The following SNX18 variants were observed in gnomAD, a reference collection of about 807,000 sequenced individuals.
SNX18 encodes sorting nexin 18.
Under a neutral mutation model 48.7 loss-of-function variants are expected in SNX18, and 35 were observed. The ratio of observed to expected loss-of-function variants is 0.72; its 90% CI spans 0.55 to 0.95. The LOEUF (loss-of-function observed/expected upper bound fraction) is 0.95, where lower values mean the gene tolerates loss of function less well. Among genes scored for constraint, SNX18 ranks in the 40% least tolerant of loss-of-function variants. The probability of loss-of-function intolerance (pLI) is 0.00; values close to 1 mark genes in which losing one functional copy is unlikely to be tolerated. For synonymous variants in SNX18, 492 were observed against 384.7 expected (o/e 1.28, Z -3.26); for missense variants, 824 against 871.0 (o/e 0.95, Z 0.68).
chr5:54,574,122 C>T, the SNX18 span, among the ~76,000 whole-genome samples: 9 of 152,302 alleles, frequency 5.9e-5, no homozygotes, highest in South Asian at 1.2e-3. Context: ...GCTGAGAACT[C>T]GACCAGACAA....
chr5:54,535,315 G>C (rs575160800), intron 1 of SNX18, among the ~76,000 whole-genome samples: 1 of 152,346 alleles, frequency 6.6e-6, no homozygotes, highest in South Asian at 2.1e-4. Flanking sequence ...GCTAGGACTG[G>C]TGATGGAGAA....
chr5:54,517,910 C>G lies in SNX18; in HGVS notation c.-43C>G. ...CGGGCCCCTCAGGTGGGCCTCGGCT[C>G]GGGACGCCGGGAGTCGGGACCGCCA... On this transcript the variant is annotated 5_prime_UTR_variant, in exon 1 of 2. Transcript: ENST00000381410. 1.4e-6 allele frequency: 2 copies of G among 1,468,872 alleles called. No homozygotes were observed. Among genetic ancestry groups the G allele is most frequent in the Admixed American group, 2.4e-5 (1 of 40,990 alleles). The allele number at this position is 1,468,872 out of a possible 1,614,324, so 91.0% of individuals were successfully genotyped here.
the SNX18 span, among the ~76,000 whole-genome samples, chr5:54,555,064 G>A: frequency 1.4e-4 from 21 of 152,278 alleles, no homozygotes; most frequent in African/African-American, 4.8e-4. Context: ...TGGAAATCAC[G>A]CCAGCCAGCC....
At chr5:54,620,220 A>G in the SNX18 span, among the ~76,000 whole-genome samples, 3 of 152,202 alleles carry the variant, frequency 2.0e-5, no homozygotes. Flanking sequence ...AGCTGTGGAC[A>G]TACAGGAGGC....
At chr5:54,613,975 C>T in the SNX18 span, among the ~76,000 whole-genome samples, 2 of 152,182 alleles carry the variant, frequency 1.3e-5, no homozygotes, top group Non-Finnish European at 2.9e-5. Context: ...GGATTATAGG[C>T]GTGAGCCACT....
chr5:54,589,668 C>A, the SNX18 span, among the ~76,000 whole-genome samples: 2 of 152,184 alleles, frequency 1.3e-5, no homozygotes, highest in African/African-American at 4.8e-5. Context: ...GAAGAGAAGT[C>A]GTTTCCTTCC....
At chr5:54,646,709 T>C in the SNX18 span, among the ~76,000 whole-genome samples, 1 of 152,236 alleles carries the variant, frequency 6.6e-6, no homozygotes, top group South Asian at 2.1e-4. Flanking sequence ...TATGCCAAGA[T>C]ATGTGTTTAG....
chr5:54,590,997 C>T, the SNX18 span, among the ~76,000 whole-genome samples: 1 of 152,038 alleles, frequency 6.6e-6, no homozygotes, highest in African/African-American at 2.4e-5. Flanking sequence ...TCAGCTCATC[C>T]TCCCCATCCC....
At chr5:54,645,583 A>G in the SNX18 span, 1 of 152,254 alleles carries the variant, frequency 6.6e-6, no homozygotes, top group Non-Finnish European at 1.5e-5. Flanking sequence ...TGGCCTCCCC[A>G]GCTGCTCCTT....
At chr5:54,547,304 A>G (rs999042688), downstream of SNX18, among the ~76,000 whole-genome samples, 1 of 152,252 alleles carries the variant, frequency 6.6e-6, no homozygotes, top group Non-Finnish European at 1.5e-5. Flanking sequence ...TGAGGAAGAT[A>G]ATATCTCTAG....
the SNX18 span, among the ~76,000 whole-genome samples, chr5:54,647,600 C>A: frequency 6.6e-6 from 1 of 152,054 alleles, no homozygotes; most frequent in African/African-American, 2.4e-5. Flanking sequence ...GAGGCATGAT[C>A]GTAGAGAACC....
the SNX18 span, among the ~76,000 whole-genome samples, chr5:54,569,140 A>G: frequency 1.7e-4 from 25 of 150,834 alleles, no homozygotes; most frequent in African/African-American, 5.9e-4. Flanking sequence ...ACCGCGCCCA[A>G]CCACATTTTT....
At chr5:54,565,697 G>C in the SNX18 span, among the ~76,000 whole-genome samples, 8 of 152,038 alleles carry the variant, frequency 5.3e-5, no homozygotes, top group Non-Finnish European at 7.4e-5. Context: ...GTTTAAAAGG[G>C]GCCTAGAAGG....
Position 54,518,965 on chromosome 5 carries a change from A to G in SNX18, c.1013A>G (p.Lys338Arg). The stretch of plus-strand genomic sequence containing the variant: ...ATCTCCGTGCCCCACCTGCCCGAGA[A>G]GCAGGCCACCGGCCGCTTCGAGGAG... ...PVISVPHLPE[K>R]QATGRFEEDF... is the part of the protein sequence containing the mutation. Residue 338 changes from lysine (K) to arginine (R), a missense_variant, in exon 1 of 2, where the codon AAG becomes AGG. Lys to Arg is a conservative substitution (Grantham distance 26). Coordinates refer to ENST00000381410, the MANE Select transcript of SNX18 (RefSeq NM_001102575.2). 1.2e-6 allele frequency: 2 copies of G among 1,613,668 alleles called. No individual in the cohort carries two copies. Among genetic ancestry groups the G allele is most frequent in the African/African-American group, 1.3e-5 (1 of 75,054 alleles).
At chr5:54,526,813 G>C (rs1481191156) in intron 1 of SNX18, among the ~76,000 whole-genome samples, 1 of 152,150 alleles carries the variant, frequency 6.6e-6, no homozygotes, top group African/African-American at 2.4e-5. Context: ...TGTGCTAGGA[G>C]AAAACAGTAG....
the SNX18 span, among the ~76,000 whole-genome samples, chr5:54,604,262 G>C: frequency 6.6e-6 from 1 of 152,122 alleles, no homozygotes; most frequent in Non-Finnish European, 1.5e-5. Context: ...TCTACCACTA[G>C]GTATAACACC....
At chr5:54,605,312 A>G in the SNX18 span, among the ~76,000 whole-genome samples, 1 of 152,152 alleles carries the variant, frequency 6.6e-6, no homozygotes, top group Non-Finnish European at 1.5e-5. Context: ...AAAGCTAGCA[A>G]AATTGTTCCA....
the SNX18 span, among the ~76,000 whole-genome samples, chr5:54,605,929 G>A: frequency 1.3e-5 from 2 of 152,142 alleles, no homozygotes; most frequent in African/African-American, 2.4e-5. Flanking sequence ...CTCCCAAAGC[G>A]TTTGGATTAT....
chr5:54,561,520 T>TTTTTTTTTTTTGG, the SNX18 span, among the ~76,000 whole-genome samples: 1 of 150,656 alleles, frequency 6.6e-6, no homozygotes, highest in African/African-American at 2.4e-5. Context: ...TTTTTTTTTT[T>TTTTTTTTTTTTGG]GTAGAGACAG....
Sources: allele counts gnomAD v4.1 joint callset (sites outside exome capture counted in the v4.1 genomes callset), GRCh38; gene constraint gnomAD v4.1.1; transcripts MANE v1.5; gene names NCBI Gene and HGNC (gene_info 2026-07-23, HGNC 2026-07-21).